Variants in DENND2B observed in about 807,000 individuals in gnomAD.
DENND2B encodes the protein DENN domain-containing protein 2B.
A neutral mutation model predicts 116.0 loss-of-function variants in DENND2B; 32 were observed. The ratio of observed to expected loss-of-function variants is 0.28; its 90% CI spans 0.21 to 0.37. DENND2B has a LOEUF of 0.37. Among genes scored for constraint, DENND2B ranks in the 10% least tolerant of loss-of-function variants. DENND2B has a pLI of 1.00. For synonymous variants in DENND2B, 588 were observed against 583.9 expected (o/e 1.01, Z -0.10); for missense variants, 1,276 against 1,477.7 (o/e 0.86, Z 2.24).
chr11:8,837,972 C>G (rs1187096437), intron 4 of DENND2B, among the ~76,000 whole-genome samples: 1 of 152,212 alleles, frequency 6.6e-6, no homozygotes, highest in Non-Finnish European at 1.5e-5. Context: ...GGCTAAGCCT[C>G]CCACATCCCA....
intron 1 of DENND2B, among the ~76,000 whole-genome samples, chr11:8,783,819 A>G (rs1033604474): frequency 1.3e-5 from 2 of 152,200 alleles, no homozygotes; most frequent in African/African-American, 4.8e-5. Flanking sequence ...CAAAAGCTCT[A>G]CCGAAACGAA....
intron 2 of DENND2B, among the ~76,000 whole-genome samples, chr11:8,880,732 A>G (rs1287972557): frequency 6.6e-6 from 1 of 152,184 alleles, no homozygotes; most frequent in Non-Finnish European, 1.5e-5. Context: ...GACAGGCTTC[A>G]CTACAAACCT....
rs962867516 is a variant in DENND2B, at chr11:8,693,746, G to A, written c.*350C>T. On this transcript the variant is annotated 3_prime_UTR_variant, in exon 20 of 20. Coordinates refer to ENST00000313726, the MANE Select transcript of DENND2B (RefSeq NM_213618.2). ...AGGCAGGCAGGCCGAAGGCCTCCAG[G>A]GAAGATCAGTGGTTTGGCTGAGACA... 5 of 247,386 alleles carry A rather than the reference G, an allele frequency of 2.0e-5. No individual in the cohort carries two copies. Among genetic ancestry groups the A allele is most frequent in the Admixed American group, 1.1e-4 (2 of 18,618 alleles). The allele number at this position is 247,386 out of a possible 1,614,324, so 15.3% of individuals were successfully genotyped here.
At chr11:8,713,398 G>A (rs1243189387) in intron 8 of DENND2B, among the ~76,000 whole-genome samples, 1 of 149,542 alleles carries the variant, frequency 6.7e-6, no homozygotes, top group Non-Finnish European at 1.5e-5. Context: ...TTTTTTTTTT[G>A]AGACAGAGTC....
chr11:8,776,782 T>A (rs573895662), intron 1 of DENND2B: 3 of 156,930 alleles, frequency 1.9e-5, no homozygotes, highest in African/African-American at 7.2e-5. Flanking sequence ...CCTCATTCAA[T>A]AATAGCCATG....
intron 1 of DENND2B, among the ~76,000 whole-genome samples, chr11:8,800,392 G>C (rs1159000171): frequency 6.6e-6 from 1 of 152,146 alleles, no homozygotes; most frequent in Non-Finnish European, 1.5e-5. Flanking sequence ...CACAGTTTTG[G>C]GAGCTCTATG....
At chr11:8,843,935 T>G (rs913527575) in intron 3 of DENND2B, among the ~76,000 whole-genome samples, 1 of 152,212 alleles carries the variant, frequency 6.6e-6, no homozygotes, top group African/African-American at 2.4e-5. Flanking sequence ...TCAACATTCT[T>G]TGCTTTCCTC....
intron 1 of DENND2B, among the ~76,000 whole-genome samples, chr11:8,762,966 AAC>A (rs1386013002): frequency 6.6e-6 from 1 of 152,336 alleles, no homozygotes; most frequent in East Asian, 1.9e-4. Context: ...AAAGCAAACC[AAC>A]AGAGTATAAG....
At chr11:8,796,295 A>G (rs1375329695) in intron 1 of DENND2B, among the ~76,000 whole-genome samples, 1 of 152,190 alleles carries the variant, frequency 6.6e-6, no homozygotes, top group East Asian at 1.9e-4. Context: ...TAATCCCAGC[A>G]CTTTGGGAGG....
chr11:8,786,365 A>T (rs1379637421), intron 1 of DENND2B, among the ~76,000 whole-genome samples: 1 of 152,256 alleles, frequency 6.6e-6, no homozygotes. Flanking sequence ...GTTTAAAAAA[A>T]GTAAAAATTA....
intron 8 of DENND2B, among the ~76,000 whole-genome samples, chr11:8,713,626 C>T (rs748224204): frequency 2.6e-5 from 4 of 152,154 alleles, no homozygotes; most frequent in Non-Finnish European, 5.9e-5. Context: ...GTGATCTGCC[C>T]GCCTTGGCCT....
chr11:8,790,586 C>T (rs574679215), intron 1 of DENND2B, among the ~76,000 whole-genome samples: 61 of 152,180 alleles, frequency 4.0e-4, no homozygotes, highest in Admixed American at 2.4e-3. Flanking sequence ...CTCGGCAACA[C>T]GGCAAGGCCC....
intron 1 of DENND2B, among the ~76,000 whole-genome samples, chr11:8,806,325 T>C (rs2060832553): frequency 6.6e-6 from 1 of 152,140 alleles, no homozygotes; most frequent in Non-Finnish European, 1.5e-5. Context: ...GTCTGGAGCT[T>C]TGAGAAACTG....
chr11:8,894,761 G>C lies in DENND2B; in HGVS notation c.-255-13652C>G, dbSNP rs565701309. Among the ~76,000 whole-genome samples the C allele has an allele frequency of 5.3e-5, 8 of 152,276 alleles. No individual in the cohort carries two copies. The East Asian group carries it at 1.5e-3, about 29-fold the overall frequency. On this transcript the variant is annotated intron_variant, in intron 1 of 22. Transcript: ENST00000534127. The stretch of plus-strand genomic sequence containing the variant: ...AAGTCAGGAAACAACAGGTGCTGGA[G>C]AGGATGTGGAGAAATAGGAACACTT...
At chr11:8,698,419 C>G (rs1347601163) in intron 16 of DENND2B, among the ~76,000 whole-genome samples, 2 of 152,222 alleles carry the variant, frequency 1.3e-5, no homozygotes, top group Non-Finnish European at 2.9e-5. Context: ...TGGTGTGTAA[C>G]AGACAATAAG....
At chr11:8,866,677 A>C (rs2063592531) in intron 2 of DENND2B, among the ~76,000 whole-genome samples, 1 of 152,262 alleles carries the variant, frequency 6.6e-6, no homozygotes, top group Non-Finnish European at 1.5e-5. Context: ...CTGATCTAGA[A>C]GAACTAGGAA....
At position 8,695,525 on chromosome 11, in the gene DENND2B, T is replaced by C. The variant is rs752072560; in HGVS notation, c.3317A>G (p.Gln1106Arg). 37 of 1,613,824 alleles carry C rather than the reference T, an allele frequency of 2.3e-5. No homozygotes were observed. The highest frequency in any genetic ancestry group is 3.3e-5 in the Admixed American group (2 of 59,998). The change falls in exon 19 of 20, where the codon CAG becomes CGG. Residue 1106 changes from glutamine to arginine, a missense_variant. Coordinates refer to ENST00000313726, the MANE Select transcript of DENND2B (RefSeq NM_213618.2). ...AKGLFEQRVE[Q>R]YLEELPDTEQ... ...AGTGTCTGGGAGTTCTTCTAAGTACTGCTCCACTCGCTGCTCAAAAAGGCC... is the reference window on the plus strand; with the variant it reads ...AGTGTCTGGGAGTTCTTCTAAGTACCGCTCCACTCGCTGCTCAAAAAGGCC...
intron 2 of DENND2B, 89 bp from the exon 3 acceptor site, chr11:8,731,298 C>T: frequency 7.9e-7 from 1 of 1,264,390 alleles, no homozygotes; most frequent in Non-Finnish European, 1.1e-6. Context: ...TCTTACAGAA[C>T]TCAGCATCTT....
intron 1 of DENND2B, among the ~76,000 whole-genome samples, chr11:8,886,022 C>A (rs944233236): frequency 3.3e-5 from 5 of 152,090 alleles, no homozygotes; most frequent in Admixed American, 1.3e-4. Flanking sequence ...TTCATTGCAG[C>A]CTCGACCTCC....
Sources: allele counts gnomAD v4.1 joint callset (sites outside exome capture counted in the v4.1 genomes callset), GRCh38; gene constraint gnomAD v4.1.1; transcripts MANE v1.5; gene names NCBI Gene and HGNC (gene_info 2026-07-23, HGNC 2026-07-21).